The following FRMPD4 variants were observed in gnomAD, a reference collection of about 807,000 sequenced individuals.
FRMPD4 encodes the protein FERM and PDZ domain-containing protein 4.
Under a neutral mutation model 94.1 loss-of-function variants are expected in FRMPD4, and 22 were observed. The observed-to-expected ratio is 0.23, with a 90% confidence interval of 0.17 to 0.33. FRMPD4 has a LOEUF of 0.33. Ranked by LOEUF, FRMPD4 falls within the 10% of genes least tolerant of loss-of-function variation. The probability of loss-of-function intolerance (pLI) is 1.00; values close to 1 mark genes in which losing one functional copy is unlikely to be tolerated. For missense variants in FRMPD4, 1,111 were observed against 1,339.9 expected, an observed-to-expected ratio of 0.83 and a Z score of 2.67; for synonymous variants, 631 against 548.6, an observed-to-expected ratio of 1.15 and a Z score of -2.10.
At chrX:11,848,201 T>G (rs193147274) in intron 1 of FRMPD4, among the ~76,000 whole-genome samples, 23 of 111,012 alleles carry the variant, frequency 2.1e-4, no homozygotes, top group African/African-American at 7.5e-4. Context: ...TGTTTGCTGA[T>G]TGTTCTCTTT....
chrX:12,456,416 A>G (rs1022742141), intron 1 of FRMPD4, among the ~76,000 whole-genome samples: 15 of 111,921 alleles, frequency 1.3e-4, no homozygotes, highest in African/African-American at 2.6e-4. Flanking sequence ...GAATATTTAC[A>G]TTACAAAAAT....
chrX:12,398,691 T>C (rs2056573922), intron 1 of FRMPD4, among the ~76,000 whole-genome samples: 1 of 111,581 alleles, frequency 9.0e-6, no homozygotes, highest in African/African-American at 3.3e-5. Context: ...GAAAGCTTTT[T>C]GGTTTACAAA....
chrX:12,209,402 A>G (rs2147736214), intron 1 of FRMPD4, among the ~76,000 whole-genome samples: 1 of 112,723 alleles, frequency 8.9e-6, no homozygotes, highest in East Asian at 2.8e-4. Flanking sequence ...AAAAGAAATG[A>G]CTTTACAGAA....
intron 3 of FRMPD4, among the ~76,000 whole-genome samples, chrX:11,967,756 G>GTTTT (rs11431796): frequency 4.6e-5 from 3 of 65,554 alleles, no homozygotes; most frequent in African/African-American, 5.3e-5. Flanking sequence ...GTGTGTGTGT[G>GTTTT]TTTTTTTTTT....
intron 2 of FRMPD4, among the ~76,000 whole-genome samples, chrX:12,579,816 C>G (rs1314399782): frequency 3.6e-5 from 4 of 111,411 alleles, no homozygotes; most frequent in Non-Finnish European, 7.5e-5. Context: ...ACCGAAAAGA[C>G]TTTCTTGTCA....
chrX:12,328,819 A>G (rs1390488211), intron 1 of FRMPD4, among the ~76,000 whole-genome samples: 3 of 111,788 alleles, frequency 2.7e-5, no homozygotes, highest in African/African-American at 9.7e-5. Flanking sequence ...AGGGAACCTC[A>G]TCCCTGAAAG....
chrX:12,322,273 G>T (rs1479342543), intron 1 of FRMPD4, among the ~76,000 whole-genome samples: 1 of 111,439 alleles, frequency 9.0e-6, no homozygotes, highest in Non-Finnish European at 1.9e-5. Flanking sequence ...CTTGTACAAA[G>T]CTATCAGTAC....
intron 6 of FRMPD4, among the ~76,000 whole-genome samples, chrX:12,684,960 A>T (rs2060006150): frequency 9.0e-6 from 1 of 111,429 alleles, no homozygotes; most frequent in African/African-American, 3.3e-5. Context: ...TGCTCCTCAG[A>T]CTTCATGACT....
chrX:12,123,549 AG>A (rs1442907022), intron 3 of FRMPD4, among the ~76,000 whole-genome samples: 1 of 111,884 alleles, frequency 8.9e-6, no homozygotes, highest in East Asian at 2.8e-4. Flanking sequence ...AGGTCTGATG[AG>A]GTTTCTCAAC....
chrX:11,859,452 G>A (rs1421802162), intron 1 of FRMPD4, among the ~76,000 whole-genome samples: 1 of 111,596 alleles, frequency 9.0e-6, no homozygotes, highest in Admixed American at 9.6e-5. Context: ...TTGAGATAAG[G>A]TGGACATTTT....
chrX:12,423,908 A>G (rs750303464), intron 1 of FRMPD4, among the ~76,000 whole-genome samples: 13 of 111,569 alleles, frequency 1.2e-4, no homozygotes, highest in Non-Finnish European at 1.9e-4. Context: ...AGCAGATACT[A>G]ACAAATACCA....
At chrX:11,866,574 A>T (rs1192284210) in intron 2 of FRMPD4, among the ~76,000 whole-genome samples, 1 of 112,110 alleles carries the variant, frequency 8.9e-6, no homozygotes, top group Non-Finnish European at 1.9e-5. Context: ...AAAAACAAAT[A>T]GTAAGAATGT....
chrX:12,364,334 G>T (rs889161193), intron 1 of FRMPD4, among the ~76,000 whole-genome samples: 1 of 111,560 alleles, frequency 9.0e-6, no homozygotes, highest in African/African-American at 3.3e-5. Context: ...AAGGAGAAGG[G>T]TGCAACTGTG....
chrX:11,836,452 T>C (rs759451329), intron 1 of FRMPD4, among the ~76,000 whole-genome samples: 114 of 111,853 alleles, frequency 1.0e-3, no homozygotes, highest in Middle Eastern at 4.6e-3. Context: ...GCTAAGTGCT[T>C]TATATGCATG....
At chrX:12,651,834 A>G (rs1316984833) in intron 4 of FRMPD4, among the ~76,000 whole-genome samples, 2 of 112,640 alleles carry the variant, frequency 1.8e-5, no homozygotes, top group Admixed American at 1.9e-4. Flanking sequence ...TTTGAATTGC[A>G]TAAGAATGTG....
At chrX:12,004,230 A>C (rs1373285568) in intron 3 of FRMPD4, among the ~76,000 whole-genome samples, 1 of 112,173 alleles carries the variant, frequency 8.9e-6, no homozygotes, top group Admixed American at 9.4e-5. Context: ...CCTGAGGCCA[A>C]GGTCTGCCAT....
At chrX:12,340,854 C>T (rs773297953) in intron 1 of FRMPD4, among the ~76,000 whole-genome samples, 31 of 111,335 alleles carry the variant, frequency 2.8e-4, no homozygotes, top group African/African-American at 6.5e-4. Flanking sequence ...GTTTCAATGA[C>T]GTGACTTTTC....
At chrX:12,456,213 G>A (rs754659833) in intron 1 of FRMPD4, among the ~76,000 whole-genome samples, 1 of 111,776 alleles carries the variant, frequency 8.9e-6, no homozygotes, top group African/African-American at 3.2e-5. Flanking sequence ...AAAAATTACT[G>A]GCTGATGTGA....
At chrX:12,313,406 G>A (rs1163599096) in intron 1 of FRMPD4, among the ~76,000 whole-genome samples, 2 of 112,601 alleles carry the variant, frequency 1.8e-5, no homozygotes, top group Non-Finnish European at 3.8e-5. Context: ...TGCAAAGTGG[G>A]GAATAGAAAG....
Sources: allele counts gnomAD v4.1 joint callset (sites outside exome capture counted in the v4.1 genomes callset), GRCh38; gene constraint gnomAD v4.1.1; transcripts MANE v1.5; gene names NCBI Gene and HGNC (gene_info 2026-07-23, HGNC 2026-07-21).